VPS13B: variants seen among roughly 807,000 people sequenced by gnomAD.
The protein encoded by VPS13B is intermembrane lipid transfer protein VPS13B.
VPS13B carries 285 observed loss-of-function variants against 426.4 expected under a neutral mutation model. The ratio of observed to expected loss-of-function variants is 0.67; its 90% CI spans 0.61 to 0.74. The LOEUF is 0.74. Ranked by LOEUF, VPS13B falls within the 30% of genes least tolerant of loss-of-function variation. The pLI, the probability that VPS13B is intolerant of heterozygous loss-of-function variation, is 0.00. For missense variants in VPS13B, 4,537 were observed against 4,782.6 expected (o/e 0.95, Z 1.51); for synonymous variants, 1,676 against 1,676.4 (o/e 1.00, Z 0.01).
intron 19 of VPS13B, among the ~76,000 whole-genome samples, chr8:99,306,753 T>G (rs1404562271): frequency 2.6e-5 from 4 of 152,086 alleles, no homozygotes; most frequent in Admixed American, 2.0e-4. Context: ...AGAAAACTCT[T>G]AAACTGTGTT....
At chr8:99,615,072 G>A (rs1828024672) in intron 33 of VPS13B, among the ~76,000 whole-genome samples, 1 of 146,218 alleles carries the variant, frequency 6.8e-6, no homozygotes, top group South Asian at 2.2e-4. Flanking sequence ...AGCCGAGATT[G>A]CGCCATTGCA....
intron 51 of VPS13B, among the ~76,000 whole-genome samples, chr8:99,827,678 G>A (rs1177760431): frequency 2.0e-5 from 3 of 151,944 alleles, no homozygotes; most frequent in Non-Finnish European, 4.4e-5. Context: ...TGATGTTAGG[G>A]TGTCAATTTT....
In VPS13B at chr8:99,848,629, A is replaced by G. The variant is rs929580237; in HGVS notation, c.9943-147A>G. ...GGGTATTTTTTTTCATTTCAAGTCAACTGAATAGCCCGTACACATGGATAT... is the reference window on the plus strand; with the variant it reads ...GGGTATTTTTTTTCATTTCAAGTCAGCTGAATAGCCCGTACACATGGATAT... On this transcript the variant is annotated intron_variant, in intron 54 of 61. Transcript: ENST00000357162. The G allele has an allele frequency of 2.5e-5, 19 of 769,368 alleles. No homozygotes were observed. The African/African-American group carries it at 3.1e-4, about 13-fold the overall frequency. 47.7% of individuals were successfully genotyped at this position (769,368 alleles called of 1,614,324 possible).
At chr8:99,651,497 A>T (rs2133947254) in intron 34 of VPS13B, among the ~76,000 whole-genome samples, 1 of 152,274 alleles carries the variant, frequency 6.6e-6, no homozygotes, top group East Asian at 1.9e-4. Context: ...ATATTAGACT[A>T]ATGTGGCAAT....
intron 8 of VPS13B, chr8:99,121,834 ATCTC>A (rs1292088926): frequency 1.9e-4 from 29 of 155,814 alleles, no homozygotes; most frequent in African/African-American, 6.8e-4. Flanking sequence ...AATCATAACA[ATCTC>A]TCTCTCTCTT....
chr8:99,082,621 C>A (rs1350444029), intron 3 of VPS13B, among the ~76,000 whole-genome samples: 1 of 152,112 alleles, frequency 6.6e-6, no homozygotes, highest in Non-Finnish European at 1.5e-5. Flanking sequence ...CTTTAATCAT[C>A]TTGAATTAAT....
intron 23 of VPS13B, among the ~76,000 whole-genome samples, chr8:99,446,964 A>G (rs1487032618): frequency 6.6e-6 from 1 of 152,100 alleles, no homozygotes; most frequent in Non-Finnish European, 1.5e-5. Context: ...TATTCTTTTT[A>G]TCTTGATTCT....
At position 99,556,481 on chromosome 8, in the gene VPS13B, C is replaced by G; in HGVS notation, c.4777C>G (p.Pro1593Ala). The part of the protein sequence containing the change: ...RALNLGILRD[P>A]GSEIEDRQYQ... The stretch of plus-strand genomic sequence containing the variant: ...CTTGAACTTAGGAATTCTTCGAGAT[C>G]CTGGATCAGAAATCGAAGACAGACA... The change falls in exon 31 of 62, where the codon CCT becomes GCT. Residue 1593 changes from proline to alanine, a missense_variant. By Grantham distance (27) the Pro-to-Ala change is conservative (BLOSUM62 -1). Coordinates refer to ENST00000357162, the MANE Select transcript of VPS13B (RefSeq NM_152564.5). The G allele has an allele frequency of 1.2e-6, 2 of 1,612,970 alleles. No individual in the cohort carries two copies. The highest frequency in any genetic ancestry group is 1.7e-6 in the Non-Finnish European group (2 of 1,179,450).
chr8:99,871,541 G>C lies in VPS13B; in HGVS notation c.11589G>C (p.Leu3863Phe), dbSNP rs1323646177. ...RGSGQEHEGC[L>F]LLTSEVLFVV... ...CAGGCCAGGAGCATGAAGGGTGCTT[G>C]CTGCTGACATCAGAAGTGCTCTTCG... Residue 3863 changes from leucine to phenylalanine, a missense_variant, in exon 61 of 62, where the codon TTG becomes TTC. Leu to Phe is a conservative substitution (Grantham distance 22, BLOSUM62 0). This residue lies in a region of VPS13B where 4,311 missense variants were observed against 4,474.3 expected (regional missense o/e 0.96). Coordinates refer to ENST00000357162, the MANE Select transcript of VPS13B (RefSeq NM_152564.5). 1 of 1,614,218 alleles carries C rather than the reference G, an allele frequency of 6.2e-7. No homozygotes were observed. Among genetic ancestry groups the C allele is most frequent in the East Asian group, 2.2e-5 (1 of 44,880 alleles).
At chr8:99,416,464 T>G (rs898391321) in intron 21 of VPS13B, among the ~76,000 whole-genome samples, 1 of 151,724 alleles carries the variant, frequency 6.6e-6, no homozygotes, top group Non-Finnish European at 1.5e-5. Context: ...CACTGGCATA[T>G]GAAAAAAAAA....
At chr8:99,601,943 G>A (rs1175133132) in intron 33 of VPS13B, among the ~76,000 whole-genome samples, 1 of 152,124 alleles carries the variant, frequency 6.6e-6, no homozygotes, top group Non-Finnish European at 1.5e-5. Flanking sequence ...CTATTCTGTA[G>A]GTTGCCTGTT....
chr8:99,840,406 T>G (rs76750553), intron 54 of VPS13B, among the ~76,000 whole-genome samples: 163 of 152,358 alleles, frequency 1.1e-3, no homozygotes, highest in African/African-American at 3.4e-3. Flanking sequence ...TTTAAAAAAT[T>G]GTGATGCTGT....
chr8:99,287,264 A>G (rs928910204), intron 19 of VPS13B, among the ~76,000 whole-genome samples: 10 of 151,350 alleles, frequency 6.6e-5, no homozygotes, highest in African/African-American at 2.4e-4. Flanking sequence ...CTATCTATCT[A>G]TCTATCTATC....
At chr8:99,446,513 C>A (rs778222823) in intron 23 of VPS13B, among the ~76,000 whole-genome samples, 23 of 152,104 alleles carry the variant, frequency 1.5e-4, no homozygotes, top group Non-Finnish European at 3.1e-4. Flanking sequence ...TACTTTTTTT[C>A]TTTCCATACA....
chr8:99,378,205 T>C (rs1813604552), intron 19 of VPS13B, among the ~76,000 whole-genome samples: 1 of 142,190 alleles, frequency 7.0e-6, no homozygotes, highest in Non-Finnish European at 1.5e-5. Context: ...GGGAAATAAT[T>C]CAGTGATATT....
chr8:99,556,700 C>A (rs1189629878), intron 31 of VPS13B, 47 bp downstream of exon 31: 2 of 1,584,432 alleles, frequency 1.3e-6, no homozygotes, highest in Non-Finnish European at 1.7e-6. Flanking sequence ...TACTTCATTG[C>A]CAGAATAGTT....
At chr8:99,036,837 C>T (rs1242046689) in intron 2 of VPS13B, among the ~76,000 whole-genome samples, 1 of 152,022 alleles carries the variant, frequency 6.6e-6, no homozygotes, top group East Asian at 1.9e-4. Context: ...GATAAATAGC[C>T]AGTGGAAACA....
At chr8:99,419,738 G>A (rs3105190) in intron 21 of VPS13B, among the ~76,000 whole-genome samples, 26,430 of 152,100 alleles carry the variant, frequency 0.17, 2,811 homozygotes, top group East Asian at 0.37. Context: ...TTACACAAAG[G>A]TGATACAGAA....
chr8:99,698,829 G>A (rs1425574371), intron 35 of VPS13B, among the ~76,000 whole-genome samples: 1 of 152,168 alleles, frequency 6.6e-6, no homozygotes, highest in Non-Finnish European at 1.5e-5. Flanking sequence ...AATACAGCTA[G>A]TTTTCATGTC....
Sources: gnomAD v4.1 joint callset for allele counts (sites outside exome capture counted in the v4.1 genomes callset) on GRCh38, gnomAD v4.1.1 for gene constraint, gnomAD v4.1.1 regional missense constraint, MANE v1.5 for transcripts, NCBI Gene and HGNC (gene_info 2026-07-23, HGNC 2026-07-21) for gene names.